Variants in RECQL5 observed in about 807,000 individuals in gnomAD.
RECQL5 encodes ATP-dependent DNA helicase Q5.
RECQL5 carries 88 observed loss-of-function variants against 103.4 expected under a neutral mutation model. That is an observed-to-expected ratio of 0.85 (90% CI 0.72 to 1.02). The LOEUF (loss-of-function observed/expected upper bound fraction) is 1.02, where lower values mean the gene tolerates loss of function less well. RECQL5 is among the 50% of genes least tolerant of loss of function. The probability of loss-of-function intolerance (pLI) is 0.00; values close to 1 mark genes in which losing one functional copy is unlikely to be tolerated. For synonymous variants in RECQL5, 552 were observed against 507.9 expected, an observed-to-expected ratio of 1.09 and a Z score of -1.17; for missense variants, 1,232 against 1,284.3, an observed-to-expected ratio of 0.96 and a Z score of 0.62.
rs765425275 is a variant in RECQL5, at chr17:75,636,325, G to A, written c.1230-4657C>T. On this transcript the variant is annotated intron_variant, in intron 8 of 19. Coordinates refer to ENST00000317905, the MANE Select transcript of RECQL5 (RefSeq NM_004259.7). This position sits in a 1 kb window ranked among gnomAD's most constrained non-coding sequence, Gnocchi z 5.4. ...TGGGAGGGACTGGTTGCCCTGGTTC[G>A]CAGGTGGGAAGTGTGGTTTTGGAAG... Among the ~76,000 whole-genome samples the A allele has an allele frequency of 1.1e-4, 16 of 152,284 alleles. No individual in the cohort carries two copies. The highest frequency in any genetic ancestry group is 6.8e-3 in the Middle Eastern group (2 of 294).
chr17:75,666,666 T>C (rs2059788486), intron 1 of RECQL5, 95 bp from the exon 2 acceptor site: 2 of 1,191,068 alleles, frequency 1.7e-6, no homozygotes, highest in Admixed American at 5.0e-5. Context: ...AACAATTTGC[T>C]ATATTACACT....
chr17:75,640,434 C>G lies in RECQL5; in HGVS notation c.1230-8766G>C. 1 of 1,433,210 alleles carries G rather than the reference C, an allele frequency of 7.0e-7. No homozygotes were observed. The highest frequency in any genetic ancestry group is 9.2e-7 in the Non-Finnish European group (1 of 1,086,730). 88.8% of individuals were successfully genotyped at this position (1,433,210 alleles called of 1,614,324 possible). A position where few individuals can be genotyped will look rare whatever the true frequency, so the allele number is the denominator to read the frequency against. ...CAGAGGTGGCGGGTGTCTGCCGGATCAAGGAGGAAAACCAGTTGTCCCTTG... is the reference window on the plus strand; with the variant it reads ...CAGAGGTGGCGGGTGTCTGCCGGATGAAGGAGGAAAACCAGTTGTCCCTTG... On this transcript the variant is annotated intron_variant, in intron 8 of 19. Coordinates refer to ENST00000317905, the MANE Select transcript of RECQL5 (RefSeq NM_004259.7). This position sits in a 1 kb window ranked among gnomAD's most constrained non-coding sequence, Gnocchi z 4.6.
At position 75,640,168 on chromosome 17, in the gene RECQL5, C is replaced by A. The variant is rs2059408396; in HGVS notation, c.1230-8500G>T. 6.6e-7 allele frequency: 1 copy of A among 1,524,720 alleles called. No individual in the cohort carries two copies. Among genetic ancestry groups the A allele is most frequent in the Non-Finnish European group, 8.8e-7 (1 of 1,136,890 alleles). 94.4% of individuals were successfully genotyped at this position (1,524,720 alleles called of 1,614,324 possible). A position where few individuals can be genotyped will look rare whatever the true frequency, so the allele number is the denominator to read the frequency against. Reference sequence around the variant, plus strand: ...AGGTGTTCTCTCTGCCCCAGCAGAGCCCGGCAGGAGCCCCAACAGGAAGCC... The same window carrying A: ...AGGTGTTCTCTCTGCCCCAGCAGAGACCGGCAGGAGCCCCAACAGGAAGCC... On this transcript the variant is annotated intron_variant, in intron 8 of 19. Coordinates refer to ENST00000317905, the MANE Select transcript of RECQL5 (RefSeq NM_004259.7). The surrounding 1 kb of genome is among the most constrained non-coding windows in gnomAD (Gnocchi z 4.6).
chr17:75,661,747 G>C (rs1426422120), intron 4 of RECQL5, 39 bp from the exon 5 acceptor site: 1 of 1,489,102 alleles, frequency 6.7e-7, no homozygotes, highest in Non-Finnish European at 9.4e-7. Context: ...AGCATAGCAA[G>C]AACAGAACAA....
chr17:75,666,566 A>G lies in RECQL5; in HGVS notation c.-9T>C. The G allele has an allele frequency of 6.2e-7, 1 of 1,613,842 alleles. No individual in the cohort carries two copies. Among genetic ancestry groups the G allele is most frequent in the Non-Finnish European group, 8.5e-7 (1 of 1,179,958 alleles). ...GTATGGTGGCTGCTCATCTTAGCCA[A>G]GAACAGTGGCCAAAGGTTAAGGCAA... On this transcript the variant is annotated 5_prime_UTR_variant, in exon 2 of 20. Coordinates refer to ENST00000317905, the MANE Select transcript of RECQL5 (RefSeq NM_004259.7).
chr17:75,647,539 C>T, intron 8 of RECQL5: 1 of 1,550,278 alleles, frequency 6.5e-7, no homozygotes, highest in Non-Finnish European at 8.7e-7. Context: ...AGAAAACACT[C>T]AGTGTGAAGC....
In RECQL5 at chr17:75,631,392, G is replaced by A. The variant is rs1006937628; in HGVS notation, c.1448+58C>T. 52 of 1,574,038 alleles carry A rather than the reference G, an allele frequency of 3.3e-5. No homozygotes were observed. The African/African-American group carries it at 3.8e-4, about 11-fold the overall frequency. ...GTGCCACCTCTGGTCTGGCCCTGGC[G>A]CCAAGGGAATGCCAGGCAATTCCAG... On this transcript the variant is annotated intron_variant, in intron 9 of 19. Transcript: ENST00000317905.
chr17:75,633,948 C>G, intron 8 of RECQL5: 1 of 985,692 alleles, frequency 1.0e-6, no homozygotes, highest in East Asian at 1.1e-4. Context: ...GGTGAGGCAC[C>G]GGGACATGAA....
intron 7 of RECQL5, among the ~76,000 whole-genome samples, chr17:75,657,660 T>G (rs145070293): frequency 0.017 from 2,544 of 149,490 alleles, 38 homozygotes; most frequent in South Asian, 0.033. Flanking sequence ...GTGGGAAGAT[T>G]ATTTATGGCC....
intron 7 of RECQL5, among the ~76,000 whole-genome samples, chr17:75,654,999 C>T (rs1470096917): frequency 1.3e-5 from 2 of 152,104 alleles, no homozygotes; most frequent in Non-Finnish European, 2.9e-5. Context: ...TGTTACATTG[C>T]CCAAACTACT....
chr17:75,627,023 G>A lies in RECQL5; in HGVS notation c.*399C>T. 1 of 385,528 alleles carries A rather than the reference G, an allele frequency of 2.6e-6. No individual in the cohort carries two copies. The highest frequency in any genetic ancestry group is 5.2e-6 in the Non-Finnish European group (1 of 193,796). 23.9% of individuals were successfully genotyped at this position (385,528 alleles called of 1,614,324 possible). ...GGAAGCTGGCATCGTAATGGATGGGGGAGTGGGTGGAGGATCTGAGGGTCC... is the reference window on the plus strand; with the variant it reads ...GGAAGCTGGCATCGTAATGGATGGGAGAGTGGGTGGAGGATCTGAGGGTCC... On this transcript the variant is annotated 3_prime_UTR_variant, in exon 20 of 20. Coordinates refer to ENST00000317905, the MANE Select transcript of RECQL5 (RefSeq NM_004259.7).
rs769645716 is a variant in RECQL5 at position 75,658,401 on chromosome 17, C to T, written c.1046G>A (p.Arg349Gln). 3 of 1,614,058 alleles carry T rather than the reference C, an allele frequency of 1.9e-6. No homozygotes were observed. The highest frequency in any genetic ancestry group is 1.7e-6 in the Non-Finnish European group (2 of 1,179,954). Residue 349 changes from arginine to glutamine, a missense_variant, in exon 7 of 20, where the codon CGG (arginine) becomes CAG (glutamine). Arg to Gln is a conservative substitution (Grantham distance 43). Coordinates refer to ENST00000317905, the MANE Select transcript of RECQL5 (RefSeq NM_004259.7). ...GGAAGGCTTCCCATCCCTGCCAGCC[C>T]GGCCAGACTCCTGGTAGTACCCAGC... Reference protein sequence around the residue: ...SMAGYYQESGRAGRDGKPSWC... With the variant: ...SMAGYYQESGQAGRDGKPSWC...
intron 14 of RECQL5, 118 bp downstream of exon 14, chr17:75,630,066 G>A: frequency 2.1e-6 from 2 of 932,704 alleles, no homozygotes; most frequent in Non-Finnish European, 3.2e-6. Flanking sequence ...TGTCTCTGGG[G>A]TGGGCTGGGG....
rs1373954176 is a variant in RECQL5 at position 75,631,540 on chromosome 17, C to T, written c.1358G>A (p.Trp453Ter). Residue 453 changes from tryptophan to a stop codon, truncating the protein, a stop_gained, in exon 9 of 20, where the codon TGG becomes TAG. Transcript: ENST00000317905. LOFTEE classifies it high-confidence loss of function. Reference sequence around the variant, plus strand: ...GGAGGGCCCGATGCAGGTCTTGCTCCAGCTGCTGCTGCGCTCCAAGGCCTC... The same window carrying T: ...GGAGGGCCCGATGCAGGTCTTGCTCTAGCTGCTGCTGCGCTCCAAGGCCTC... ...RLEALERSSS[W>*]SKTCIGPSQG... The T allele has an allele frequency of 2.5e-6, 4 of 1,613,092 alleles. No homozygotes were observed. The highest frequency in any genetic ancestry group is 1.3e-5 in the African/African-American group (1 of 74,952).
intron 8 of RECQL5, among the ~76,000 whole-genome samples, chr17:75,642,451 T>C (rs2059445456): frequency 6.6e-6 from 1 of 152,210 alleles, no homozygotes; most frequent in Non-Finnish European, 1.5e-5. Context: ...ACACTGGCAA[T>C]AGCAGGCAGG....
chr17:75,635,063 G>A (rs2059293270), intron 8 of RECQL5, among the ~76,000 whole-genome samples: 2 of 152,206 alleles, frequency 1.3e-5, no homozygotes, highest in Admixed American at 1.3e-4. Context: ...TCAAGCCAGC[G>A]TTAAAGCCAC....
chr17:75,631,474 C>A lies in RECQL5; in HGVS notation c.1424G>T (p.Arg475Leu), dbSNP rs778197565. ...GFDPELYEGG[R>L]KGYGDFSRYD... ...CCTGCTGAAGTCCCCGTAGCCCTTG[C>A]GGCCTCCCTCATACAGCTCGGGGTC... The change falls in exon 9 of 20, where the codon CGC (arginine) becomes CTC (leucine). Residue 475 changes from arginine (R) to leucine (L), a missense_variant. Coordinates refer to ENST00000317905, the MANE Select transcript of RECQL5 (RefSeq NM_004259.7). The A allele has an allele frequency of 2.5e-6, 4 of 1,611,806 alleles. No individual in the cohort carries two copies. Among genetic ancestry groups the A allele is most frequent in the Non-Finnish European group, 2.5e-6 (3 of 1,178,788 alleles).
At chr17:75,641,003 T>C (rs762347088) in intron 8 of RECQL5, 151 of 1,482,220 alleles carry the variant, frequency 1.0e-4, no homozygotes, top group Non-Finnish European at 1.2e-4. Context: ...CAGGCTCCCC[T>C]GGCCCCAGCT....
rs1243903186 is a variant in RECQL5, at chr17:75,666,547, T to C, written c.11A>G (p.His4Arg). 4 of 1,614,034 alleles carry C rather than the reference T, an allele frequency of 2.5e-6. No homozygotes were observed. Among genetic ancestry groups the C allele is most frequent in the Non-Finnish European group, 2.5e-6 (3 of 1,180,022 alleles). Residue 4 changes from histidine to arginine, a missense_variant, in exon 2 of 20, where the codon CAC (histidine) becomes CGC (arginine). Coordinates refer to ENST00000317905, the MANE Select transcript of RECQL5 (RefSeq NM_004259.7). MSS[H>R]HTTFPFDPER... The stretch of plus-strand genomic sequence containing the variant: ...AGGGTCAAAAGGAAAGGTGGTATGG[T>C]GGCTGCTCATCTTAGCCAAGAACAG...
Sources: gnomAD v4.1 joint callset for allele counts (sites outside exome capture counted in the v4.1 genomes callset) on GRCh38, gnomAD v4.1.1 for gene constraint, Gnocchi (gnomAD v3.1) non-coding constraint, MANE v1.5 for transcripts, NCBI Gene and HGNC (gene_info 2026-07-23, HGNC 2026-07-21) for gene names.